The following SH3BP5 variants were observed in gnomAD, a reference collection of about 807,000 sequenced individuals.
SH3BP5 encodes SH3 domain binding protein 5, also known as SH3 domain-binding protein 5.
SH3BP5 carries 22 observed loss-of-function variants against 43.3 expected under a neutral mutation model. The observed-to-expected ratio is 0.51, with a 90% CI of 0.36 to 0.73. The LOEUF is 0.73. Among genes scored for constraint, SH3BP5 ranks in the 30% least tolerant of loss-of-function variants. The pLI is 0.00. For synonymous variants in SH3BP5, 255 were observed against 225.8 expected (o/e 1.13, Z -1.16); for missense variants, 529 against 586.9 (o/e 0.90, Z 1.02).
At chr3:15,266,694 T>C (rs908860073) in intron 4 of SH3BP5, among the ~76,000 whole-genome samples, 1 of 152,228 alleles carries the variant, frequency 6.6e-6, no homozygotes, top group Non-Finnish European at 1.5e-5. Flanking sequence ...CACAAGCTAC[T>C]TGTATTTTCC....
chr3:15,285,524 T>A (rs1397595544), intron 3 of SH3BP5, among the ~76,000 whole-genome samples: 1 of 152,206 alleles, frequency 6.6e-6, no homozygotes, highest in Admixed American at 6.5e-5. Flanking sequence ...ACTTCTTTTG[T>A]CAGTTTGCCA....
At position 15,255,848 on chromosome 3, in the gene SH3BP5, C is replaced by G; in HGVS notation, c.*238G>C. On this transcript the variant is annotated 3_prime_UTR_variant, in exon 9 of 9. Coordinates refer to ENST00000383791, the MANE Select transcript of SH3BP5 (RefSeq NM_004844.5). ...CCACAATGCCGTTATACGGAATGTTCCACAAAGGCTGTGAACCTAGTCACA... is the reference window on the plus strand; with the variant it reads ...CCACAATGCCGTTATACGGAATGTTGCACAAAGGCTGTGAACCTAGTCACA... 8.3e-6 allele frequency: 4 copies of G among 480,416 alleles called. No homozygotes were observed. The allele number at this position is 480,416 out of a possible 1,614,324, so 29.8% of individuals were successfully genotyped here.
At chr3:15,320,120 A>C (rs926141365) in intron 2 of SH3BP5, among the ~76,000 whole-genome samples, 7 of 152,158 alleles carry the variant, frequency 4.6e-5, no homozygotes, top group Non-Finnish European at 8.8e-5. Context: ...GCTGGAAACA[A>C]AAGGGTGTGG....
chr3:15,262,318 T>TCCAGC (rs1696476580), intron 4 of SH3BP5, 29 bp from the exon 5 acceptor site: 1 of 1,596,744 alleles, frequency 6.3e-7, no homozygotes, highest in African/African-American at 1.3e-5. Context: ...TTCAGCCCAG[T>TCCAGC]CCAGCCCAGA....
Position 15,279,376 on chromosome 3 carries a change from T to C in SH3BP5, c.331-9499A>G, listed in dbSNP as rs1176218871. Among the ~76,000 whole-genome samples, 4 of 152,054 alleles carry C rather than the reference T, an allele frequency of 2.6e-5. No individual in the cohort carries two copies. The East Asian group carries it at 5.8e-4, about 22-fold the overall frequency. On this transcript the variant is annotated intron_variant, in intron 3 of 8. Transcript: ENST00000383791. The stretch of plus-strand genomic sequence containing the variant: ...AGAGAAATGAGAAAACCACGGGCAG[T>C]CTTAAGAGAGACAGCACCTGCAGCT...
rs772988358 is a variant in SH3BP5, at chr3:15,259,755, A to G, written c.669+6T>C. ...CATCAGTGACGAAGCCCAAAGCTACACATACCTCGAGCTGCACATAGTACT... is the reference window on the plus strand; with the variant it reads ...CATCAGTGACGAAGCCCAAAGCTACGCATACCTCGAGCTGCACATAGTACT... On this transcript the variant is annotated splice_donor_region_variant and intron_variant, in intron 6 of 8. Coordinates refer to ENST00000383791, the MANE Select transcript of SH3BP5 (RefSeq NM_004844.5). 6.2e-7 allele frequency: 1 copy of G among 1,614,082 alleles called. No homozygotes were observed. The highest frequency in any genetic ancestry group is 1.1e-5 in the South Asian group (1 of 91,080).
intron 7 of SH3BP5, 185 bp downstream of exon 7, chr3:15,258,646 G>A: frequency 5.2e-6 from 3 of 579,724 alleles, no homozygotes; most frequent in Admixed American, 3.2e-5. Context: ...TCCTGACTTT[G>A]AGGAACACTT....
intron 2 of SH3BP5, among the ~76,000 whole-genome samples, chr3:15,326,476 C>T (rs1238105995): frequency 1.3e-5 from 2 of 152,204 alleles, no homozygotes; most frequent in African/African-American, 2.4e-5. Flanking sequence ...CCCCAGATCG[C>T]AATCAAAAGG....
At chr3:15,282,440 C>T (rs1444469150) in intron 3 of SH3BP5, among the ~76,000 whole-genome samples, 1 of 152,038 alleles carries the variant, frequency 6.6e-6, no homozygotes, top group Non-Finnish European at 1.5e-5. Flanking sequence ...AAAATTGCTT[C>T]TCAATACATT....
In SH3BP5 at chr3:15,284,774, C is replaced by G. The variant is rs115709955; in HGVS notation, c.331-14897G>C. 1.8e-3 allele frequency among the ~76,000 whole-genome samples: 272 copies of G among 152,342 alleles called. 1 individual carries two copies. The highest frequency in any genetic ancestry group is 0.013 in the South Asian group (64 of 4,832). ...TGACTTCAGTTAACACCAACTCACT[C>G]TGCAACTCAGAAGCCCAGAGCTTTC... On this transcript the variant is annotated intron_variant, in intron 3 of 8. Transcript: ENST00000383791.
chr3:15,305,747 T>C (rs1418696125), intron 2 of SH3BP5, among the ~76,000 whole-genome samples: 1 of 152,130 alleles, frequency 6.6e-6, no homozygotes, highest in East Asian at 1.9e-4. Context: ...GTCTGGAATG[T>C]GGAGAATGGC....
chr3:15,315,777 G>A (rs1316088440), intron 2 of SH3BP5, among the ~76,000 whole-genome samples: 1 of 152,170 alleles, frequency 6.6e-6, no homozygotes, highest in East Asian at 1.9e-4. Flanking sequence ...CCAAAGGGAA[G>A]TGCTGCTATT....
rs779069942 is a variant in SH3BP5 at position 15,280,987 on chromosome 3, C to T, written c.331-11110G>A. 9.2e-5 allele frequency among the ~76,000 whole-genome samples: 14 copies of T among 152,312 alleles called. No individual in the cohort carries two copies. The South Asian group carries it at 1.0e-3, about 11-fold the overall frequency. ...GTGGAGAGCCCTGCTTTATGCCGCA[C>T]GGTGGCAGAGAACTGGAATATTGCA... On this transcript the variant is annotated intron_variant, in intron 3 of 8. Coordinates refer to ENST00000383791, the MANE Select transcript of SH3BP5 (RefSeq NM_004844.5).
intron 3 of SH3BP5, among the ~76,000 whole-genome samples, chr3:15,282,444 A>G (rs1424614334): frequency 6.6e-6 from 1 of 152,114 alleles, no homozygotes; most frequent in Admixed American, 6.6e-5. Context: ...TTGCTTCTCA[A>G]TACATTTCTT....
intron 3 of SH3BP5, among the ~76,000 whole-genome samples, chr3:15,292,783 G>A (rs750704916): frequency 1.3e-5 from 2 of 151,544 alleles, no homozygotes; most frequent in Non-Finnish European, 2.9e-5. Flanking sequence ...GGGAGGCGGA[G>A]GTTGTGGTGA....
chr3:15,340,557 C>A (rs1183714409), intron 1 of SH3BP5, among the ~76,000 whole-genome samples: 1 of 151,988 alleles, frequency 6.6e-6, no homozygotes, highest in South Asian at 2.1e-4. Flanking sequence ...TTGAGACCAA[C>A]CTGGCCAACA....
intron 3 of SH3BP5, among the ~76,000 whole-genome samples, chr3:15,279,681 G>C (rs1697067434): frequency 6.6e-6 from 1 of 152,084 alleles, no homozygotes; most frequent in Non-Finnish European, 1.5e-5. Flanking sequence ...TGTCTATTTT[G>C]CATATATTTG....
intron 2 of SH3BP5, among the ~76,000 whole-genome samples, chr3:15,323,062 C>G (rs532164346): frequency 6.6e-6 from 1 of 152,174 alleles, no homozygotes; most frequent in Admixed American, 6.5e-5. Flanking sequence ...TCGCTTGAAC[C>G]TGGGAGGCAG....
chr3:15,256,447 G>C (rs3732728), intron 8 of SH3BP5, 144 bp from the exon 9 acceptor site: 162,250 of 818,190 alleles, frequency 0.2, 25,949 homozygotes, highest in African/African-American at 0.7. Context: ...CCCTGTAGAA[G>C]TCCCACTGTT....
Sources: gnomAD v4.1 joint callset for allele counts (sites outside exome capture counted in the v4.1 genomes callset) on GRCh38, gnomAD v4.1.1 for gene constraint, MANE v1.5 for transcripts, NCBI Gene and HGNC (gene_info 2026-07-23, HGNC 2026-07-21) for gene names.